Variants in LRMDA observed in about 807,000 individuals in gnomAD.
LRMDA encodes the protein leucine-rich melanocyte differentiation-associated protein.
A neutral mutation model predicts 29.8 loss-of-function variants in LRMDA; 18 were observed. The ratio of observed to expected loss-of-function variants is 0.60; its 90% CI spans 0.42 to 0.90. The LOEUF (loss-of-function observed/expected upper bound fraction) is 0.90, where lower values mean the gene tolerates loss of function less well. Among genes scored for constraint, LRMDA ranks in the 40% least tolerant of loss-of-function variants. The pLI, the probability that LRMDA is intolerant of heterozygous loss-of-function variation, is 0.00. For synonymous variants in LRMDA, 125 were observed against 109.4 expected (o/e 1.14, Z -0.89); for missense variants, 273 against 273.9 (o/e 1.00, Z 0.02).
At chr10:75,516,604 A>G (rs558873016) in intron 2 of LRMDA, among the ~76,000 whole-genome samples, 33 of 152,002 alleles carry the variant, frequency 2.2e-4, no homozygotes, top group African/African-American at 7.5e-4. Flanking sequence ...ATATTAGCCC[A>G]TTGTCAGATT....
intron 2 of LRMDA, among the ~76,000 whole-genome samples, chr10:75,938,433 G>A (rs895601751): frequency 6.6e-6 from 1 of 152,178 alleles, no homozygotes; most frequent in Non-Finnish European, 1.5e-5. Flanking sequence ...AGGGAGGACT[G>A]AGGATGGGAG....
rs567616640 is a variant in LRMDA at position 75,461,754 on chromosome 10, T to A, written c.131+23260T>A. On this transcript the variant is annotated intron_variant, in intron 2 of 6. Transcript: ENST00000611255. ...AAAACTTGCAGATCTGCAGAACACC[T>A]CGTGGGGAGGGGAAAGCTGTTTTTC... is the stretch of plus-strand genomic sequence containing the variant. Among the ~76,000 whole-genome samples the A allele has an allele frequency of 3.3e-5, 5 of 152,246 alleles. No individual in the cohort carries two copies. In the South Asian group the frequency reaches 1.0e-3, roughly 32 times the overall value.
At chr10:76,058,544 G>A (rs7924095) in intron 4 of LRMDA, 122 bp from the exon 5 acceptor site, 64 of 784,146 alleles carry the variant, frequency 8.2e-5, no homozygotes, top group African/African-American at 4.5e-4. Flanking sequence ...GAGAGGAGGC[G>A]CAGCCAAGGT....
intron 2 of LRMDA, among the ~76,000 whole-genome samples, chr10:75,628,393 A>C (rs760651459): frequency 1.3e-5 from 2 of 152,358 alleles, no homozygotes; most frequent in East Asian, 1.9e-4. Flanking sequence ...AAAGATAATA[A>C]GATTTCATTC....
intron 2 of LRMDA, among the ~76,000 whole-genome samples, chr10:75,890,142 A>G (rs971050934): frequency 7.2e-5 from 11 of 152,268 alleles, no homozygotes; most frequent in African/African-American, 2.4e-4. Flanking sequence ...TGGAAGGGAC[A>G]TTGCAAAAGG....
At chr10:76,364,550 G>A (rs1246758957) in intron 6 of LRMDA, among the ~76,000 whole-genome samples, 1 of 151,998 alleles carries the variant, frequency 6.6e-6, no homozygotes, top group Non-Finnish European at 1.5e-5. Flanking sequence ...GGGGAACCAG[G>A]AGCCTTAGGA....
At chr10:76,496,448 C>G (rs1172197999) in intron 6 of LRMDA, among the ~76,000 whole-genome samples, 1 of 75,496 alleles carries the variant, frequency 1.3e-5, no homozygotes, top group African/African-American at 3.2e-5. Context: ...TTTGTTTTCC[C>G]TCTATTAGGA....
intron 2 of LRMDA, among the ~76,000 whole-genome samples, chr10:76,021,605 G>A (rs894194698): frequency 1.3e-5 from 2 of 152,186 alleles, no homozygotes; most frequent in African/African-American, 2.4e-5. Context: ...ACCATCAGGA[G>A]AGCCAGCAGA....
At chr10:76,473,696 A>G (rs1158403394) in intron 6 of LRMDA, among the ~76,000 whole-genome samples, 2 of 151,702 alleles carry the variant, frequency 1.3e-5, no homozygotes, top group Non-Finnish European at 3.0e-5. Context: ...AGACCAATGT[A>G]GAAACATCCA....
intron 5 of LRMDA, among the ~76,000 whole-genome samples, chr10:76,083,539 C>A (rs1228846459): frequency 1.3e-5 from 2 of 152,168 alleles, no homozygotes; most frequent in Non-Finnish European, 2.9e-5. Context: ...AAAATAAAGT[C>A]ACTTCATGGC....
intron 2 of LRMDA, among the ~76,000 whole-genome samples, chr10:75,947,009 G>C (rs1385873260): frequency 6.6e-6 from 1 of 152,142 alleles, no homozygotes; most frequent in Non-Finnish European, 1.5e-5. Flanking sequence ...GACACATCTG[G>C]AACTCAGTTT....
At chr10:76,213,245 CTCTG>C (rs2132248256) in intron 5 of LRMDA, among the ~76,000 whole-genome samples, 1 of 152,226 alleles carries the variant, frequency 6.6e-6, no homozygotes, top group East Asian at 1.9e-4. Flanking sequence ...AGGCACATCT[CTCTG>C]TCGGGTGATT....
At chr10:75,608,942 A>G (rs1358864776) in intron 2 of LRMDA, among the ~76,000 whole-genome samples, 1 of 152,176 alleles carries the variant, frequency 6.6e-6, no homozygotes, top group Non-Finnish European at 1.5e-5. Flanking sequence ...CAACACGACC[A>G]ACAGTTTGTC....
chr10:75,486,379 G>C (rs1844913307), intron 2 of LRMDA, among the ~76,000 whole-genome samples: 1 of 152,060 alleles, frequency 6.6e-6, no homozygotes, highest in Non-Finnish European at 1.5e-5. Flanking sequence ...TGATCCGCTT[G>C]ACTTAACATG....
intron 5 of LRMDA, among the ~76,000 whole-genome samples, chr10:76,229,295 G>A (rs777630316): frequency 6.6e-5 from 10 of 152,188 alleles, no homozygotes; most frequent in African/African-American, 1.7e-4. Context: ...CAATAACCCC[G>A]TGAGATTCGA....
At chr10:76,008,525 T>C (rs1847715093) in intron 2 of LRMDA, among the ~76,000 whole-genome samples, 1 of 152,226 alleles carries the variant, frequency 6.6e-6, no homozygotes, top group African/African-American at 2.4e-5. Context: ...GGCTTCTCTC[T>C]TGAGGTGTTA....
chr10:75,667,618 T>C (rs1432436221), intron 2 of LRMDA, among the ~76,000 whole-genome samples: 1 of 152,218 alleles, frequency 6.6e-6, no homozygotes, highest in East Asian at 1.9e-4. Context: ...AAGTTGAAGG[T>C]CTACTGTTGC....
At position 76,036,149 on chromosome 10, in the gene LRMDA, G is replaced by A; in HGVS notation, c.258+15G>A. On this transcript the variant is annotated intron_variant, in intron 3 of 6. Coordinates refer to ENST00000611255, the MANE Select transcript of LRMDA (RefSeq NM_001305581.2). The stretch of plus-strand genomic sequence containing the variant: ...ACAAGAACCGAATATCCTTTCCTCT[G>A]CCCGCTGCCCCCACTCCCCACCCAG... 1 of 1,608,740 alleles carries A rather than the reference G, an allele frequency of 6.2e-7. No individual in the cohort carries two copies. The highest frequency in any genetic ancestry group is 1.3e-5 in the African/African-American group (1 of 74,836).
At chr10:76,507,814 G>C (rs1306946950) in intron 6 of LRMDA, among the ~76,000 whole-genome samples, 2 of 151,970 alleles carry the variant, frequency 1.3e-5, no homozygotes, top group Non-Finnish European at 2.9e-5. Context: ...TAAATGCCTG[G>C]GTTTATTTCT....
Sources: gnomAD v4.1 joint callset for allele counts (sites outside exome capture counted in the v4.1 genomes callset) on GRCh38, gnomAD v4.1.1 for gene constraint, MANE v1.5 for transcripts, NCBI Gene and HGNC (gene_info 2026-07-23, HGNC 2026-07-21) for gene names.